Variants in PPHLN1 observed in about 807,000 individuals in gnomAD.
PPHLN1 encodes the protein periphilin-1.
Under a neutral mutation model 51.3 loss-of-function variants are expected in PPHLN1, and 29 were observed. The observed-to-expected ratio is 0.57, with a 90% CI of 0.42 to 0.77. The LOEUF (loss-of-function observed/expected upper bound fraction) is 0.77, where lower values mean the gene tolerates loss of function less well. Ranked by LOEUF, PPHLN1 falls within the 30% of genes least tolerant of loss-of-function variation. PPHLN1 has a pLI of 0.00. For missense variants in PPHLN1, 436 were observed against 438.4 expected, an observed-to-expected ratio of 0.99 and a Z score of 0.05; for synonymous variants, 147 against 147.8, an observed-to-expected ratio of 0.99 and a Z score of 0.04.
In PPHLN1 at chr12:42,412,668, G is replaced by A. The variant is rs190011862; in HGVS notation, c.909+13674G>A. Among the ~76,000 whole-genome samples the A allele has an allele frequency of 9.3e-4, 142 of 152,164 alleles. 1 individual carries two copies. The Middle Eastern group carries it at 0.01, about 11-fold the overall frequency. Reference sequence around the variant, plus strand: ...CAGTAGTAGGATTGCTGGATTGGATGGTAGATCTACTTTTAATTCTTTAAA... The same window carrying A: ...CAGTAGTAGGATTGCTGGATTGGATAGTAGATCTACTTTTAATTCTTTAAA... On this transcript the variant is annotated intron_variant, in intron 9 of 9. Coordinates refer to ENST00000358314, the MANE Select transcript of PPHLN1 (RefSeq NM_201439.2).
intron 2 of PPHLN1, chr12:42,343,785 TA>T (rs1258611910): frequency 2.8e-6 from 1 of 360,924 alleles, no homozygotes; most frequent in African/African-American, 2.2e-5. Context: ...AATTCTTGGC[TA>T]CATTCTCGAA....
chr12:42,350,105 GC>G (rs1306873335), intron 2 of PPHLN1: 8 of 150,968 alleles, frequency 5.3e-5, no homozygotes, highest in African/African-American at 1.9e-4. Flanking sequence ...CGGCTGCCGG[GC>G]GGGGGCGCCC....
At chr12:42,431,545 A>C in intron 9 of PPHLN1, 1 of 575,514 alleles carries the variant, frequency 1.7e-6, no homozygotes. Flanking sequence ...TTTGAATTCC[A>C]AATGGTAGAA....
intron 5 of PPHLN1, among the ~76,000 whole-genome samples, chr12:42,383,675 T>C (rs17091153): frequency 0.028 from 4,238 of 152,054 alleles, 217 homozygotes; most frequent in African/African-American, 0.097. Context: ...CTCTGAGCAA[T>C]TGCTGTAGGT....
At chr12:42,331,770 A>G (rs1396344596) in intron 1 of PPHLN1, 1 of 152,220 alleles carries the variant, frequency 6.6e-6, no homozygotes, top group East Asian at 1.9e-4. Context: ...CAGTTTGAAT[A>G]TCTTGTTGGC....
intron 6 of PPHLN1, chr12:42,386,886 C>G (rs1010700322): frequency 1.3e-5 from 2 of 152,136 alleles, no homozygotes; most frequent in African/African-American, 2.4e-5. Flanking sequence ...GTGACTTTAT[C>G]TCATACAGGT....
intron 4 of PPHLN1, among the ~76,000 whole-genome samples, chr12:42,367,570 T>G (rs971088164): frequency 3.9e-5 from 6 of 152,154 alleles, no homozygotes; most frequent in African/African-American, 1.4e-4. Flanking sequence ...TAGAGAAAAC[T>G]TATTTTAACT....
chr12:42,380,823 A>G (rs1029439852), intron 5 of PPHLN1, among the ~76,000 whole-genome samples: 1 of 152,186 alleles, frequency 6.6e-6, no homozygotes, highest in South Asian at 2.1e-4. Context: ...TCTCTTAGCA[A>G]CAAAATATCC....
In PPHLN1 at chr12:42,363,907, C is replaced by A. The variant is rs183697538; in HGVS notation, c.299+8685C>A. 2.4e-3 allele frequency among the ~76,000 whole-genome samples: 370 copies of A among 152,162 alleles called. 3 individuals carry two copies. The highest frequency in any genetic ancestry group is 7.9e-4 in the Non-Finnish European group (54 of 67,996). ...AGGTTGTTTTCAGGTCATTTTTTCC[C>A]CCTGTAGTTATGAGATCTTATAATA... On this transcript the variant is annotated intron_variant, in intron 4 of 9. Coordinates refer to ENST00000358314, the MANE Select transcript of PPHLN1 (RefSeq NM_201439.2).
intron 5 of PPHLN1, among the ~76,000 whole-genome samples, chr12:42,382,159 G>A (rs958440302): frequency 6.6e-6 from 1 of 152,170 alleles, no homozygotes; most frequent in African/African-American, 2.4e-5. Flanking sequence ...CTGTTAGATT[G>A]CATTCAGCCA....
chr12:42,337,607 T>A (rs996802992), intron 2 of PPHLN1, among the ~76,000 whole-genome samples: 3 of 149,564 alleles, frequency 2.0e-5, no homozygotes, highest in Admixed American at 2.0e-4. Flanking sequence ...CTTTTCTTTT[T>A]TTTGAGGCAG....
chr12:42,365,042 C>T (rs952848930), intron 4 of PPHLN1, among the ~76,000 whole-genome samples: 4 of 152,170 alleles, frequency 2.6e-5, no homozygotes, highest in African/African-American at 9.7e-5. Context: ...TGGAAACAGC[C>T]TTGAACTTGA....
chr12:42,429,506 G>A (rs754118289), intron 9 of PPHLN1, among the ~76,000 whole-genome samples: 1 of 152,108 alleles, frequency 6.6e-6, no homozygotes, highest in Non-Finnish European at 1.5e-5. Context: ...AACAGTTCAC[G>A]CTGTCTTAGT....
intron 1 of PPHLN1, among the ~76,000 whole-genome samples, chr12:42,331,292 T>G (rs917580143): frequency 4.6e-5 from 7 of 152,220 alleles, no homozygotes; most frequent in Admixed American, 3.9e-4. Flanking sequence ...TAATGGAAAC[T>G]GACTAGATTG....
In PPHLN1 at chr12:42,441,525, C is replaced by T. The variant is rs779978021; in HGVS notation, c.*16C>T. On this transcript the variant is annotated 3_prime_UTR_variant, in exon 10 of 10. Transcript: ENST00000358314. ...GCCTTTTTAGATTTTTCTGCTCAGG[C>T]TAAAAAAAAAAAAAAACAGTTTCTA... is the stretch of plus-strand genomic sequence containing the variant. 6.8e-6 allele frequency: 10 copies of T among 1,461,558 alleles called. No homozygotes were observed. In the East Asian group the frequency reaches 2.2e-4, roughly 32 times the overall value. 90.5% of individuals were successfully genotyped at this position (1,461,558 alleles called of 1,614,324 possible).
intron 9 of PPHLN1, among the ~76,000 whole-genome samples, chr12:42,430,652 C>G (rs2081961386): frequency 6.6e-6 from 1 of 151,990 alleles, no homozygotes; most frequent in Non-Finnish European, 1.5e-5. Context: ...CACCACCACG[C>G]CCAGCTAAAT....
At chr12:42,411,572 T>C (rs954879596) in intron 9 of PPHLN1, among the ~76,000 whole-genome samples, 3 of 152,200 alleles carry the variant, frequency 2.0e-5, no homozygotes, top group African/African-American at 7.2e-5. Flanking sequence ...TGAGATTTTA[T>C]TGCATCCATC....
intron 9 of PPHLN1, among the ~76,000 whole-genome samples, chr12:42,431,087 G>A (rs964109627): frequency 3.9e-5 from 6 of 152,148 alleles, no homozygotes; most frequent in African/African-American, 1.4e-4. Flanking sequence ...CCCTCAAGGT[G>A]GAACAGTCAC....
At chr12:42,414,912 CTT>C (rs2080235307) in intron 9 of PPHLN1, among the ~76,000 whole-genome samples, 1 of 152,170 alleles carries the variant, frequency 6.6e-6, no homozygotes, top group Non-Finnish European at 1.5e-5. Flanking sequence ...GTTATTCTCT[CTT>C]ATGTATTTAA....
Sources: allele counts gnomAD v4.1 joint callset (sites outside exome capture counted in the v4.1 genomes callset), GRCh38; gene constraint gnomAD v4.1.1; transcripts MANE v1.5; gene names NCBI Gene and HGNC (gene_info 2026-07-23, HGNC 2026-07-21).